SUGCT: variants seen among roughly 807,000 people sequenced by gnomAD.
SUGCT encodes the protein succinyl-CoA:glutarate-CoA transferase, also known as succinyl-CoA:glutarate CoA-transferase.
In SUGCT, 41 loss-of-function variants were observed where a neutral mutation model predicts 55.0. The ratio of observed to expected loss-of-function variants is 0.74; its 90% CI spans 0.58 to 0.97. SUGCT has a LOEUF of 0.97. SUGCT is among the 50% of genes least tolerant of loss of function. The pLI is 0.00. For missense variants in SUGCT, 568 were observed against 547.8 expected (o/e 1.04, Z -0.37); for synonymous variants, 187 against 200.4 (o/e 0.93, Z 0.56).
chr7:40,181,088 A>G, intron 2 of SUGCT, 90 bp downstream of exon 2: 1 of 900,078 alleles, frequency 1.1e-6, no homozygotes, highest in East Asian at 2.4e-5. Context: ...AGAGACTTAT[A>G]TGCTTATGTT....
intron 12 of SUGCT, among the ~76,000 whole-genome samples, chr7:40,690,589 A>G (rs1320979015): frequency 6.6e-6 from 1 of 151,192 alleles, no homozygotes; most frequent in African/African-American, 2.4e-5. Context: ...TTTTTTTGAG[A>G]CAAGGTGAAA....
intron 12 of SUGCT, among the ~76,000 whole-genome samples, chr7:40,748,473 G>C (rs922966251): frequency 1.3e-5 from 2 of 151,326 alleles, no homozygotes. Context: ...TTTTGTATTG[G>C]TTTATTTTAT....
At chr7:40,875,261 A>C in the SUGCT span, among the ~76,000 whole-genome samples, 1 of 152,232 alleles carries the variant, frequency 6.6e-6, no homozygotes, top group Non-Finnish European at 1.5e-5. Context: ...GAGAAAACTC[A>C]CTTTCTCAGA....
chr7:40,419,144 G>C (rs377490957), intron 9 of SUGCT, among the ~76,000 whole-genome samples: 3 of 152,274 alleles, frequency 2.0e-5, no homozygotes, highest in African/African-American at 7.2e-5. Context: ...GTGAATTCCT[G>C]TTGCATGGAA....
chr7:40,764,970 A>G (rs1212787705), intron 13 of SUGCT, among the ~76,000 whole-genome samples: 2 of 152,208 alleles, frequency 1.3e-5, no homozygotes, highest in Non-Finnish European at 2.9e-5. Context: ...TGGTATCTCA[A>G]GTTATAATCA....
intron 8 of SUGCT, among the ~76,000 whole-genome samples, chr7:40,313,337 G>C (rs1168891699): frequency 6.6e-6 from 1 of 152,116 alleles, no homozygotes; most frequent in African/African-American, 2.4e-5. Flanking sequence ...TAACCAAAAA[G>C]TCACATCCTG....
intron 13 of SUGCT, among the ~76,000 whole-genome samples, chr7:40,788,699 A>T (rs767973125): frequency 6.6e-6 from 1 of 151,998 alleles, no homozygotes; most frequent in Non-Finnish European, 1.5e-5. Context: ...TTTCCACATG[A>T]CCCTGTCATG....
At chr7:40,595,694 A>C (rs1270268306) in intron 12 of SUGCT, among the ~76,000 whole-genome samples, 1 of 152,054 alleles carries the variant, frequency 6.6e-6, no homozygotes. Flanking sequence ...AGTTATAACT[A>C]GTTACACCAC....
the SUGCT span, among the ~76,000 whole-genome samples, chr7:40,896,168 C>A: frequency 6.6e-6 from 1 of 151,276 alleles, no homozygotes; most frequent in Non-Finnish European, 1.5e-5. Flanking sequence ...ATTTGATATG[C>A]AAAAATAAGT....
chr7:40,965,755 T>C, the SUGCT span: 1 of 152,374 alleles, frequency 6.6e-6, no homozygotes, highest in South Asian at 2.1e-4. Context: ...AAAACTGATG[T>C]AGAACATACC....
intron 12 of SUGCT, among the ~76,000 whole-genome samples, chr7:40,595,562 C>G (rs937112201): frequency 6.6e-6 from 1 of 152,012 alleles, no homozygotes; most frequent in Non-Finnish European, 1.5e-5. Context: ...GAAGCTTTCA[C>G]TAACTCCCTT....
intron 12 of SUGCT, among the ~76,000 whole-genome samples, chr7:40,540,282 A>G (rs1794601727): frequency 6.6e-6 from 1 of 152,238 alleles, no homozygotes; most frequent in Non-Finnish European, 1.5e-5. Flanking sequence ...CAAGTACTTT[A>G]TCATTTCATT....
chr7:40,437,632 C>T (rs1211426111), intron 9 of SUGCT, among the ~76,000 whole-genome samples: 1 of 152,082 alleles, frequency 6.6e-6, no homozygotes, highest in Non-Finnish European at 1.5e-5. Context: ...CTGGCTCAGC[C>T]CAGTTCCAGT....
chr7:40,163,017 A>G (rs1379964540), intron 1 of SUGCT, among the ~76,000 whole-genome samples: 1 of 152,168 alleles, frequency 6.6e-6, no homozygotes. Flanking sequence ...ATGTGTAGCT[A>G]CACTATTTGA....
chr7:40,494,318 A>G (rs1230207828), intron 11 of SUGCT, among the ~76,000 whole-genome samples: 1 of 152,240 alleles, frequency 6.6e-6, no homozygotes, highest in Non-Finnish European at 1.5e-5. Flanking sequence ...CTGCAGGTTC[A>G]AAGTATCTCT....
At chr7:40,355,876 C>G (rs1797862739) in intron 9 of SUGCT, among the ~76,000 whole-genome samples, 1 of 152,204 alleles carries the variant, frequency 6.6e-6, no homozygotes, top group Non-Finnish European at 1.5e-5. Context: ...TATATCAATC[C>G]ACAGCATATG....
At chr7:40,616,678 G>A (rs1450858607) in intron 12 of SUGCT, among the ~76,000 whole-genome samples, 2 of 152,186 alleles carry the variant, frequency 1.3e-5, no homozygotes, top group African/African-American at 4.8e-5. Flanking sequence ...GTGAAACAAG[G>A]AAAGACTCTG....
intron 13 of SUGCT, among the ~76,000 whole-genome samples, chr7:40,779,286 G>C (rs1789611396): frequency 6.6e-6 from 1 of 152,120 alleles, no homozygotes; most frequent in Non-Finnish European, 1.5e-5. Flanking sequence ...CTTTCCTCTT[G>C]CTATAAGATT....
intron 12 of SUGCT, among the ~76,000 whole-genome samples, chr7:40,676,492 G>GTT (rs1562940278): frequency 1.4e-5 from 2 of 142,698 alleles, no homozygotes; most frequent in African/African-American, 2.8e-5. Flanking sequence ...ATCCCTTGCG[G>GTT]TTTTGTTTTT....
Sources: gnomAD v4.1 joint callset for allele counts (sites outside exome capture counted in the v4.1 genomes callset) on GRCh38, gnomAD v4.1.1 for gene constraint, MANE v1.5 for transcripts, NCBI Gene and HGNC (gene_info 2026-07-23, HGNC 2026-07-21) for gene names.